RPL13: variants seen among roughly 807,000 people sequenced by gnomAD.
The protein encoded by RPL13 is ribosomal protein L13.
Under a neutral mutation model 21.4 loss-of-function variants are expected in RPL13, and 1 was observed. The ratio of observed to expected loss-of-function variants is 0.05; its 90% CI spans 0.02 to 0.22. The LOEUF is 0.22. RPL13 is among the 10% of genes least tolerant of loss of function. RPL13 has a pLI of 1.00. For missense variants in RPL13, 289 were observed against 303.0 expected (o/e 0.95, Z 0.34); for synonymous variants, 143 against 120.5 (o/e 1.19, Z -1.23).
In RPL13 at chr16:89,561,081, G is replaced by A. The variant is rs2058739926; in HGVS notation, c.104+18G>A. 6.3e-7 allele frequency: 1 copy of A among 1,593,078 alleles called. No individual in the cohort carries two copies. Among genetic ancestry groups the A allele is most frequent in the East Asian group, 2.3e-5 (1 of 43,234 alleles). On this transcript the variant is annotated intron_variant, in intron 2 of 5. Coordinates refer to ENST00000311528, the MANE Select transcript of RPL13 (RefSeq NM_000977.4). ...ATCCGCAGGTGAGCCCTGCGCTCGG[G>A]GCTGCCCCTGGGGCTCGTGCCCGCG...
chr16:89,564,867 C>T (rs1299579672), downstream of RPL13: 2 of 152,794 alleles, frequency 1.3e-5, no homozygotes, highest in Non-Finnish European at 2.9e-5. Flanking sequence ...TGCGGGGCCG[C>T]ACCTGGAGTA....
At chr16:89,566,336 T>TCGGGGATAGTCTCAGGAGGCGCTA (rs1488433199), downstream of RPL13, 2 of 152,100 alleles carry the variant, frequency 1.3e-5, no homozygotes, top group African/African-American at 2.4e-5. Flanking sequence ...GCCTCGGTGA[T>TCGGGGATAGTCTCAGGAGGCGCTA]GCACCGTTTC....
upstream of RPL13, chr16:89,560,670 C>T (rs533642798): frequency 1.7e-5 from 6 of 348,078 alleles, no homozygotes; most frequent in Admixed American, 1.0e-4. Context: ...GAGTGCATTG[C>T]GGGGCCGCTT....
intron 4 of RPL13, 32 bp downstream of exon 4, chr16:89,561,783 C>A: frequency 6.2e-7 from 1 of 1,602,100 alleles, no homozygotes; most frequent in Non-Finnish European, 8.5e-7. Flanking sequence ...CGTCCTGGTG[C>A]GCGGGGACAG....
intron 4 of RPL13, 33 bp from the exon 5 acceptor site, chr16:89,562,302 C>CA (rs1567941417): frequency 1.2e-6 from 2 of 1,610,024 alleles, no homozygotes; most frequent in Admixed American, 3.3e-5. Context: ...GCAGTGCGGC[C>CA]AACCCCACTT....
rs759339382 is a variant in RPL13, at chr16:89,563,066, AGTCGGCAGTCATGCTGG to A, written c.*28_*44del. ...AAAGCCCTCCTGGGGACTTGGAATC[AGTCGGCAGTCATGCTGG>A]GTCTCCACGTGGTGTGTTTCGTGGG... On this transcript the variant is annotated 3_prime_UTR_variant, in exon 6 of 6. Transcript: ENST00000311528. 29 of 1,478,994 alleles carry A rather than the reference AGTCGGCAGTCATGCTGG, an allele frequency of 2.0e-5. No homozygotes were observed. In the Admixed American group the frequency reaches 6.2e-4, roughly 32 times the overall value. 91.6% of individuals were successfully genotyped at this position (1,478,994 alleles called of 1,614,324 possible).
downstream of RPL13, chr16:89,565,754 G>C (rs1207840408): frequency 1.3e-5 from 2 of 152,238 alleles, no homozygotes; most frequent in East Asian, 3.9e-4. Context: ...GTGCCAGGCC[G>C]CAGACAGGTT....
intron 2 of RPL13, 31 bp downstream of exon 2, chr16:89,561,094 G>T (rs762277388): frequency 6.3e-7 from 1 of 1,576,734 alleles, no homozygotes; most frequent in Non-Finnish European, 8.6e-7. Context: ...TGCCCCTGGG[G>T]CTCGTGCCCG....
downstream of RPL13, chr16:89,566,122 G>C (rs921262544): frequency 6.7e-5 from 10 of 150,256 alleles, no homozygotes; most frequent in Non-Finnish European, 1.3e-4. Flanking sequence ...GTTCATCTCT[G>C]GGGCAGCCTC....
chr16:89,566,714 G>A (rs191355765), downstream of RPL13: 5 of 152,174 alleles, frequency 3.3e-5, no homozygotes, highest in Admixed American at 1.3e-4. Flanking sequence ...CCTGGAAGAC[G>A]AGTGTGCATC....
chr16:89,564,073 C>G lies in RPL13; in HGVS notation c.*1031C>G, dbSNP rs1053526569. On this transcript the variant is annotated 3_prime_UTR_variant, in exon 6 of 6. Transcript: ENST00000311528. ...GTGCTCAGACACAGCCTGCCCTAGT[C>G]CTACCAGCTCACAGCAGCACCTGCT... 6.6e-6 allele frequency: 1 copy of G among 152,386 alleles called. No homozygotes were observed. Among genetic ancestry groups the G allele is most frequent in the Non-Finnish European group, 1.5e-5 (1 of 68,074 alleles). The allele number at this position is 152,386 out of a possible 1,614,324, so 9.4% of individuals were successfully genotyped here.
chr16:89,561,007 G>A lies in RPL13; in HGVS notation c.48G>A (p.Lys16=), dbSNP rs2058739189. 2.5e-6 allele frequency: 4 copies of A among 1,607,320 alleles called. No homozygotes were observed. The highest frequency in any genetic ancestry group is 3.4e-6 in the Non-Finnish European group (4 of 1,178,326). ...TGGTCTTGAAGCCCCACTTCCACAA[G>A]GACTGGCAGCGGCGCGTGGCCACGT... The part of the protein sequence containing the change: ...NGMVLKPHFH[K]DWQRRVATWF... Residue 16 remains lysine, a synonymous_variant, in exon 2 of 6, where the codon AAG becomes AAA. Coordinates refer to ENST00000311528, the MANE Select transcript of RPL13 (RefSeq NM_000977.4).
At chr16:89,561,474 G>A in intron 3 of RPL13, 104 bp from the exon 4 acceptor site, 14 of 1,612,122 alleles carry the variant, frequency 8.7e-6, no homozygotes, top group Non-Finnish European at 1.1e-5. Context: ...CTTGATGAAA[G>A]CACATTTGAA....
At chr16:89,561,108 C>T (rs1239718614) in intron 2 of RPL13, 45 bp downstream of exon 2, 2 of 1,561,318 alleles carry the variant, frequency 1.3e-6, no homozygotes, top group Non-Finnish European at 1.7e-6. Flanking sequence ...GTGCCCGCGG[C>T]TGCGCCTTGG....
In RPL13 at chr16:89,562,429, G is replaced by A. The variant is rs138185322; in HGVS notation, c.477+38G>A. On this transcript the variant is annotated intron_variant, in intron 5 of 5. Coordinates refer to ENST00000311528, the MANE Select transcript of RPL13 (RefSeq NM_000977.4). ...TTACTCAAATCCAGGCTTCAGACGA[G>A]ATCAGTGGGTGAACACGTGGGTATC... The A allele has an allele frequency of 1.6e-3, 2,490 of 1,597,408 alleles. 30 individuals carry two copies. In the African/African-American group the frequency reaches 0.029, roughly 19 times the overall value.
chr16:89,561,767 T>C lies in RPL13; in HGVS notation c.420+16T>C. 1 of 1,608,120 alleles carries C rather than the reference T, an allele frequency of 6.2e-7. No homozygotes were observed. The highest frequency in any genetic ancestry group is 8.5e-7 in the Non-Finnish European group (1 of 1,175,578). ...AGACAGTTCTGTGAGTACACGGCTC[T>C]CTGGCCGTCCTGGTGCGCGGGGACA... On this transcript the variant is annotated intron_variant, in intron 4 of 5. Transcript: ENST00000311528.
At chr16:89,565,128 A>T (rs1170762779), downstream of RPL13, 2 of 152,166 alleles carry the variant, frequency 1.3e-5, no homozygotes, top group African/African-American at 4.8e-5. Flanking sequence ...TGCTAACCTT[A>T]CGTTCTCTCC....
At chr16:89,565,218 T>C (rs1259140240), downstream of RPL13, 1 of 152,072 alleles carries the variant, frequency 6.6e-6, no homozygotes, top group Non-Finnish European at 1.5e-5. Context: ...TGGCCGGTGC[T>C]CTTAGCAAGA....
chr16:89,566,120 C>CTGGGGCAGCCTCCCACAGTGGG (rs1225249611), downstream of RPL13: 3 of 150,468 alleles, frequency 2.0e-5, no homozygotes, highest in African/African-American at 7.3e-5. Context: ...AGGTTCATCT[C>CTGGGGCAGCCTCCCACAGTGGG]TGGGGCAGCC....
Sources: allele counts gnomAD v4.1 joint callset, GRCh38; gene constraint gnomAD v4.1.1; transcripts MANE v1.5; gene names NCBI Gene and HGNC (gene_info 2026-07-23, HGNC 2026-07-21).